The following CLEC3B variants were observed in gnomAD, a reference collection of about 807,000 sequenced individuals.
The protein encoded by CLEC3B is tetranectin.
In CLEC3B, 13 loss-of-function variants were observed where a neutral mutation model predicts 15.4. The observed-to-expected ratio is 0.84, with a 90% CI of 0.55 to 1.34. The LOEUF (loss-of-function observed/expected upper bound fraction) is 1.34, where lower values mean the gene tolerates loss of function less well. Ranked by LOEUF, CLEC3B falls within the 40% of genes most tolerant of loss-of-function variation. The pLI is 0.00. For missense variants in CLEC3B, 242 were observed against 268.6 expected (o/e 0.90, Z 0.69); for synonymous variants, 112 against 114.7 (o/e 0.98, Z 0.15).
At chr3:45,028,376 T>C (rs1049210067) in intron 1 of CLEC3B, among the ~76,000 whole-genome samples, 1 of 152,056 alleles carries the variant, frequency 6.6e-6, no homozygotes, top group South Asian at 2.1e-4. Flanking sequence ...GCCAACATGG[T>C]GAAACCCTGT....
chr3:45,026,941 G>A (rs893569707), intron 1 of CLEC3B, among the ~76,000 whole-genome samples: 10 of 152,140 alleles, frequency 6.6e-5, no homozygotes, highest in African/African-American at 2.4e-4. Flanking sequence ...GATGCACAGG[G>A]AAAAGAAAAA....
chr3:45,029,239 G>A (rs1348440576), intron 1 of CLEC3B, among the ~76,000 whole-genome samples: 1 of 152,230 alleles, frequency 6.6e-6, no homozygotes, highest in Non-Finnish European at 1.5e-5. Flanking sequence ...AATTACAAAA[G>A]GTACCTCCTC....
Position 45,027,392 on chromosome 3 carries a change from G to A in CLEC3B, c.109+921G>A, listed in dbSNP as rs544583170. 1.6e-3 allele frequency among the ~76,000 whole-genome samples: 240 copies of A among 152,356 alleles called. 9 individuals are homozygous for A. The South Asian group carries it at 0.047, about 30-fold the overall frequency. On this transcript the variant is annotated intron_variant, in intron 1 of 2. Transcript: ENST00000296130. ...GTGCAGTGCATAAAGGGACATCGGG[G>A]CCATGGGGCCTCACAACACTGTGAC...
At chr3:45,033,772 T>C (rs545281271) in intron 2 of CLEC3B, among the ~76,000 whole-genome samples, 3 of 152,306 alleles carry the variant, frequency 2.0e-5, no homozygotes, top group South Asian at 4.1e-4. Context: ...AGAAGTAGCA[T>C]TGACTGAGGA....
At position 45,026,401 on chromosome 3, in the gene CLEC3B, C is replaced by T; in HGVS notation, c.39C>T (p.Phe13=). ...LWGAYLLLCL[F]SLLTQVTTEP... ...GGGCCTACCTCCTCCTCTGCCTCTT[C>T]TCCCTCCTGACCCAGGTCACCACCG... is the stretch of plus-strand genomic sequence containing the variant. The change falls in exon 1 of 3, where the codon TTC becomes TTT. Residue 13 remains phenylalanine, a synonymous_variant. Transcript: ENST00000296130. 1 of 1,614,166 alleles carries T rather than the reference C, an allele frequency of 6.2e-7. No homozygotes were observed. Among genetic ancestry groups the T allele is most frequent in the African/African-American group, 1.3e-5 (1 of 75,050 alleles).
At chr3:45,034,584 G>C (rs1343706384) in intron 2 of CLEC3B, 1 of 152,238 alleles carries the variant, frequency 6.6e-6, no homozygotes, top group Non-Finnish European at 1.5e-5. Context: ...GGAGAAATCA[G>C]AGTATGTCTA....
In CLEC3B at chr3:45,026,317, A is replaced by G; in HGVS notation, c.-46A>G. ...GGGCCGTGGCTGTCACTGCGTTCGG[A>G]CCCAGACCCGCTGCAGGCAGCAGCA... On this transcript the variant is annotated 5_prime_UTR_variant, in exon 1 of 3. Coordinates refer to ENST00000296130, the MANE Select transcript of CLEC3B (RefSeq NM_003278.3). 1 of 1,546,690 alleles carries G rather than the reference A, an allele frequency of 6.5e-7. No individual in the cohort carries two copies. The highest frequency in any genetic ancestry group is 8.9e-7 in the Non-Finnish European group (1 of 1,125,000).
intron 1 of CLEC3B, among the ~76,000 whole-genome samples, chr3:45,028,203 G>A (rs1238898614): frequency 6.6e-6 from 1 of 152,168 alleles, no homozygotes; most frequent in Non-Finnish European, 1.5e-5. Flanking sequence ...CTGCTCTTAA[G>A]ACATGAACCA....
intron 1 of CLEC3B, among the ~76,000 whole-genome samples, chr3:45,029,119 C>T (rs1372905357): frequency 1.3e-5 from 2 of 151,296 alleles, no homozygotes; most frequent in Admixed American, 6.6e-5. Context: ...TGCCCAGGGC[C>T]GTAGAGACAC....
chr3:45,030,456 C>T (rs879766134), intron 1 of CLEC3B, among the ~76,000 whole-genome samples: 3 of 152,140 alleles, frequency 2.0e-5, no homozygotes, highest in Non-Finnish European at 2.9e-5. Flanking sequence ...GGGAAGTGAA[C>T]CTGGGGGCTT....
intron 1 of CLEC3B, among the ~76,000 whole-genome samples, chr3:45,030,558 A>C (rs970301049): frequency 6.6e-6 from 1 of 152,000 alleles, no homozygotes; most frequent in African/African-American, 2.4e-5. Context: ...CTGTGCCTAC[A>C]CCCTCACCCC....
At chr3:45,030,955 G>C (rs1483631969) in intron 2 of CLEC3B, 30 bp downstream of exon 2, 1 of 1,488,542 alleles carries the variant, frequency 6.7e-7, no homozygotes. Context: ...TCTCTGGGCA[G>C]GAGCGTCTGA....
rs947777472 is a variant in CLEC3B, at chr3:45,027,696, A to T, written c.109+1225A>T. ...CAGCTTTTTGAACTGTTTGGATTTT[A>T]AAAAATTATGTGTGTATATTACCTT... On this transcript the variant is annotated intron_variant, in intron 1 of 2. Transcript: ENST00000296130. Among the ~76,000 whole-genome samples the T allele has an allele frequency of 2.6e-5, 4 of 152,314 alleles. No individual in the cohort carries two copies. In the East Asian group the frequency reaches 5.8e-4, roughly 22 times the overall value.
rs111267348 is a variant in CLEC3B at position 45,035,973 on chromosome 3, G to C, written c.*49G>C. The C allele has an allele frequency of 1.4e-3, 2,100 of 1,486,530 alleles. 11 individuals carry two copies. The Middle Eastern group carries it at 0.031, about 22-fold the overall frequency. The allele number at this position is 1,486,530 out of a possible 1,614,324, so 92.1% of individuals were successfully genotyped here. A position where few individuals can be genotyped will look rare whatever the true frequency, so the allele number is the denominator to read the frequency against. On this transcript the variant is annotated 3_prime_UTR_variant, in exon 3 of 3. Coordinates refer to ENST00000296130, the MANE Select transcript of CLEC3B (RefSeq NM_003278.3). ...GGCCTGGAGGAGGGCAGGGGCCGCG[G>C]GAGGCCGGGAGGAGGGTGGGGACCT...
chr3:45,027,701 A>G (rs1044796295), intron 1 of CLEC3B, among the ~76,000 whole-genome samples: 1 of 152,218 alleles, frequency 6.6e-6, no homozygotes, highest in Non-Finnish European at 1.5e-5. Flanking sequence ...ATTTTAAAAA[A>G]TTATGTGTGT....
rs759552930 is a variant in CLEC3B at position 45,030,826 on chromosome 3, G to C, written c.110-1G>C. The C allele has an allele frequency of 1.9e-5, 30 of 1,584,122 alleles. No homozygotes were observed. The East Asian group carries it at 6.4e-4, about 34-fold the overall frequency. ...CCCTGACATATTTCCTCCTGCTTCA[G>C]ATGTTGTGAACACAAAGATGTTTGA... On this transcript the variant is annotated splice_acceptor_variant, in intron 1 of 2. Coordinates refer to ENST00000296130, the MANE Select transcript of CLEC3B (RefSeq NM_003278.3). LOFTEE classifies it high-confidence loss of function.
chr3:45,030,747 C>T, intron 1 of CLEC3B, 80 bp from the exon 2 acceptor site: 1 of 941,268 alleles, frequency 1.1e-6, no homozygotes, highest in Non-Finnish European at 1.6e-6. Context: ...GGAGTCTTTT[C>T]CTCTCATCCC....
In CLEC3B at chr3:45,035,941, C is replaced by A. The variant is rs1388497120; in HGVS notation, c.*17C>A. 1.5e-6 allele frequency: 2 copies of A among 1,296,166 alleles called. No individual in the cohort carries two copies. The highest frequency in any genetic ancestry group is 2.8e-5 in the East Asian group (1 of 36,290). 80.3% of individuals were successfully genotyped at this position (1,296,166 alleles called of 1,614,324 possible). The stretch of plus-strand genomic sequence containing the variant: ...ATCGTGTAGCCGGCGGGGCGGGGGC[C>A]GTGGGGGGCCTGGAGGAGGGCAGGG... On this transcript the variant is annotated 3_prime_UTR_variant, in exon 3 of 3. Transcript: ENST00000296130.
intron 1 of CLEC3B, among the ~76,000 whole-genome samples, chr3:45,027,996 C>A (rs1697506168): frequency 6.8e-6 from 1 of 147,924 alleles, no homozygotes; most frequent in Non-Finnish European, 1.5e-5. Flanking sequence ...ACACTTGAAC[C>A]CTGGCCCTAT....
Sources: gnomAD v4.1 joint callset for allele counts (sites outside exome capture counted in the v4.1 genomes callset) on GRCh38, gnomAD v4.1.1 for gene constraint, MANE v1.5 for transcripts, NCBI Gene and HGNC (gene_info 2026-07-23, HGNC 2026-07-21) for gene names.